Variants in WDR70 observed in about 807,000 individuals in gnomAD.
WDR70 encodes the protein WD repeat domain 70.
A neutral mutation model predicts 88.6 loss-of-function variants in WDR70; 53 were observed. The ratio of observed to expected loss-of-function variants is 0.60; its 90% CI spans 0.48 to 0.75. The LOEUF (loss-of-function observed/expected upper bound fraction) is 0.75. Ranked by LOEUF, WDR70 falls within the 30% of genes least tolerant of loss-of-function variation. The pLI is 0.00. For synonymous variants in WDR70, 280 were observed against 270.0 expected, an observed-to-expected ratio of 1.04 and a Z score of -0.36; for missense variants, 610 against 823.2, an observed-to-expected ratio of 0.74 and a Z score of 3.17.
chr5:37,514,712 C>T (rs561392469), intron 8 of WDR70, among the ~76,000 whole-genome samples: 4 of 151,984 alleles, frequency 2.6e-5, no homozygotes, highest in Admixed American at 1.3e-4. Flanking sequence ...CTATGTAGAG[C>T]ACATGAGGTA....
intron 8 of WDR70, among the ~76,000 whole-genome samples, chr5:37,504,987 C>T (rs1444262274): frequency 2.0e-5 from 3 of 151,928 alleles, no homozygotes; most frequent in South Asian, 2.1e-4. Context: ...TTAAAAAAAC[C>T]CAAAAAATAT....
intron 10 of WDR70, among the ~76,000 whole-genome samples, chr5:37,694,079 A>C (rs1214570750): frequency 6.6e-6 from 1 of 152,208 alleles, no homozygotes; most frequent in African/African-American, 2.4e-5. Context: ...TTTATGCAGC[A>C]ATCAGACACA....
intron 5 of WDR70, among the ~76,000 whole-genome samples, chr5:37,415,208 C>T (rs1232285446): frequency 3.3e-5 from 5 of 152,076 alleles, no homozygotes; most frequent in Middle Eastern, 3.5e-3. Context: ...AGCAACCATC[C>T]GATTTCTCAA....
intron 9 of WDR70, among the ~76,000 whole-genome samples, chr5:37,567,867 C>A (rs147393912): frequency 6.6e-6 from 1 of 152,256 alleles, no homozygotes; most frequent in East Asian, 1.9e-4. Context: ...TAGCACTTTT[C>A]AGAAATTAGA....
chr5:37,697,464 G>A (rs1285297224), intron 10 of WDR70, among the ~76,000 whole-genome samples, 191 bp from the exon 11 acceptor site: 3 of 152,182 alleles, frequency 2.0e-5, no homozygotes. Context: ...CTTTATTAAA[G>A]CAAATGGATA....
At chr5:37,524,152 A>G in intron 9 of WDR70, among the ~76,000 whole-genome samples, 1 of 152,218 alleles carries the variant, frequency 6.6e-6, no homozygotes, top group Non-Finnish European at 1.5e-5. Flanking sequence ...ACTCCTCGAG[A>G]AGAGCAACTC....
intron 4 of WDR70, among the ~76,000 whole-genome samples, chr5:37,393,181 A>G (rs923837649): frequency 6.6e-6 from 1 of 151,942 alleles, no homozygotes; most frequent in African/African-American, 2.4e-5. Context: ...AGCTGAGGTT[A>G]CAGGTGCCCA....
At chr5:37,422,533 A>G (rs1185038926) in intron 5 of WDR70, among the ~76,000 whole-genome samples, 1 of 151,988 alleles carries the variant, frequency 6.6e-6, no homozygotes, top group Non-Finnish European at 1.5e-5. Context: ...GCTGGAGTGC[A>G]CTGGCGCGAT....
At chr5:37,426,719 G>T (rs1341707016) in intron 5 of WDR70, among the ~76,000 whole-genome samples, 1 of 151,924 alleles carries the variant, frequency 6.6e-6, no homozygotes, top group East Asian at 1.9e-4. Context: ...TGAGAGATGT[G>T]ATTTCTTGAG....
chr5:37,539,999 C>G (rs1326743492), intron 9 of WDR70, among the ~76,000 whole-genome samples: 1 of 152,172 alleles, frequency 6.6e-6, no homozygotes, highest in Non-Finnish European at 1.5e-5. Flanking sequence ...TTGATCTACT[C>G]AGTGTTTGAT....
chr5:37,513,608 G>T (rs1740789683), intron 8 of WDR70, among the ~76,000 whole-genome samples: 3 of 152,118 alleles, frequency 2.0e-5, no homozygotes, highest in East Asian at 1.9e-4. Flanking sequence ...ATGATCACAA[G>T]GTCCCACAAT....
chr5:37,474,199 T>G lies in WDR70; in HGVS notation c.687-5635T>G, dbSNP rs59938294. The stretch of plus-strand genomic sequence containing the variant: ...CTAGGATTAGAGAACATATGCTATA[T>G]GATTTTAGGTTTTTGACATTTATTG... On this transcript the variant is annotated intron_variant, in intron 7 of 17. Coordinates refer to ENST00000265107, the MANE Select transcript of WDR70 (RefSeq NM_018034.4). 8.8e-3 allele frequency among the ~76,000 whole-genome samples: 1,337 copies of G among 152,340 alleles called. 24 individuals carry two copies. The highest frequency in any genetic ancestry group is 0.03 in the African/African-American group (1,266 of 41,576).
At chr5:37,661,796 G>A (rs999304034) in intron 10 of WDR70, among the ~76,000 whole-genome samples, 3 of 152,136 alleles carry the variant, frequency 2.0e-5, no homozygotes, top group South Asian at 2.1e-4. Flanking sequence ...CTCAAGCACC[G>A]ATCTTAGGTT....
intron 8 of WDR70, among the ~76,000 whole-genome samples, chr5:37,497,342 CCTCTTCCCTT>C (rs1428967741): frequency 1.4e-5 from 2 of 141,852 alleles, no homozygotes; most frequent in Non-Finnish European, 3.1e-5. Context: ...CTTTCCCTTC[CCTCTTCCCTT>C]CTCTTCCCTT....
intron 9 of WDR70, among the ~76,000 whole-genome samples, chr5:37,604,548 A>G (rs1052835767): frequency 1.3e-5 from 2 of 152,244 alleles, no homozygotes; most frequent in African/African-American, 4.8e-5. Context: ...GCAAAAGCTC[A>G]GAAACAGACA....
intron 7 of WDR70, among the ~76,000 whole-genome samples, chr5:37,454,448 G>T (rs1182234169): frequency 6.6e-6 from 1 of 152,002 alleles, no homozygotes; most frequent in Non-Finnish European, 1.5e-5. Context: ...AATGGTATTT[G>T]TAGTTCTTGC....
chr5:37,721,512 A>G, intron 14 of WDR70: 1 of 378,736 alleles, frequency 2.6e-6, no homozygotes, highest in Non-Finnish European at 4.9e-6. Context: ...ACCACCCTGG[A>G]CAGAGGCATT....
intron 8 of WDR70, among the ~76,000 whole-genome samples, chr5:37,495,734 G>A (rs1740197789): frequency 6.6e-6 from 1 of 152,068 alleles, no homozygotes; most frequent in African/African-American, 2.4e-5. Context: ...TCTTTAATAG[G>A]TGTCTCTTTA....
intron 7 of WDR70, among the ~76,000 whole-genome samples, chr5:37,461,548 A>G (rs1363953028): frequency 6.6e-6 from 1 of 151,980 alleles, no homozygotes; most frequent in Non-Finnish European, 1.5e-5. Context: ...CAGTGGCGCC[A>G]TCTCCGCTCA....
Sources: gnomAD v4.1 joint callset for allele counts (sites outside exome capture counted in the v4.1 genomes callset) on GRCh38, gnomAD v4.1.1 for gene constraint, MANE v1.5 for transcripts, NCBI Gene and HGNC (gene_info 2026-07-23, HGNC 2026-07-21) for gene names.